RUFY3: variants seen among roughly 807,000 people sequenced by gnomAD.
RUFY3 encodes the protein protein RUFY3.
RUFY3 carries 34 observed loss-of-function variants against 84.0 expected under a neutral mutation model. The observed-to-expected ratio is 0.40, with a 90% CI of 0.31 to 0.54. RUFY3 has a LOEUF of 0.54. RUFY3 is among the 20% of genes least tolerant of loss of function. The pLI, the probability that RUFY3 is intolerant of heterozygous loss-of-function variation, is 0.39. For missense variants in RUFY3, 507 were observed against 736.8 expected (o/e 0.69, Z 3.61); for synonymous variants, 242 against 252.9 (o/e 0.96, Z 0.41).
At chr4:70,790,562 C>T (rs1730643258) in intron 12 of RUFY3, among the ~76,000 whole-genome samples, 1 of 152,208 alleles carries the variant, frequency 6.6e-6, no homozygotes, top group African/African-American at 2.4e-5. Context: ...TCTGATACCT[C>T]TTTGCAGCTA....
chr4:70,707,465 C>G (rs993631327), intron 1 of RUFY3, among the ~76,000 whole-genome samples: 2 of 152,122 alleles, frequency 1.3e-5, no homozygotes, highest in East Asian at 3.8e-4. Flanking sequence ...AGGCTGTTAT[C>G]GAACTCCTGA....
At chr4:70,753,260 A>G (rs559828612) in intron 1 of RUFY3, among the ~76,000 whole-genome samples, 2 of 152,272 alleles carry the variant, frequency 1.3e-5, no homozygotes, top group African/African-American at 4.8e-5. Context: ...TCCCGATTTT[A>G]GTAATTTGAA....
At chr4:70,788,671 A>G in intron 10 of RUFY3, 135 bp from the exon 11 acceptor site, 1 of 770,926 alleles carries the variant, frequency 1.3e-6, no homozygotes, top group Non-Finnish European at 2.0e-6. Flanking sequence ...GTCTCTGAAA[A>G]TGAATGGTAG....
Position 70,733,135 on chromosome 4 carries a change from A to AGG in RUFY3, c.178+10386_178+10387dup, listed in dbSNP as rs1210823784. The stretch of plus-strand genomic sequence containing the variant: ...GAGAGAGAGAGGGAGGGAGGGAGGG[A>AGG]GGGAGAGAGAGAGAGAGAGAGAGAG... On this transcript the variant is annotated intron_variant, in intron 1 of 17. Transcript: ENST00000381006. Among the ~76,000 whole-genome samples the AGG allele has an allele frequency of 3.6e-3, 300 of 82,752 alleles. 4 individuals are homozygous for AGG. Among genetic ancestry groups the AGG allele is most frequent in the Non-Finnish European group, 6.0e-3 (254 of 42,558 alleles). The allele number at this position is 82,752 out of a possible 152,430, so 54.3% of individuals were successfully genotyped here.
chr4:70,797,979 A>G (rs775855492), intron 14 of RUFY3, among the ~76,000 whole-genome samples: 1 of 152,196 alleles, frequency 6.6e-6, no homozygotes, highest in Non-Finnish European at 1.5e-5. Flanking sequence ...TATTTTTCCA[A>G]TGAGGTTTTA....
chr4:70,733,853 T>G (rs1719855067), intron 1 of RUFY3, among the ~76,000 whole-genome samples: 1 of 152,196 alleles, frequency 6.6e-6, no homozygotes, highest in African/African-American at 2.4e-5. Context: ...TTATATTTCT[T>G]TATATCTCCC....
chr4:70,762,817 G>A (rs1454060624), intron 2 of RUFY3, 125 bp downstream of exon 2: 1 of 811,276 alleles, frequency 1.2e-6, no homozygotes. Flanking sequence ...TAATCCATTG[G>A]AATGCAGTCT....
In RUFY3 at chr4:70,808,286, TC is replaced by T. The variant is rs1349825993; in HGVS notation, c.*1628del. On this transcript the variant is annotated 3_prime_UTR_variant, in exon 18 of 18. Coordinates refer to ENST00000381006, the MANE Select transcript of RUFY3 (RefSeq NM_001037442.4). ...AGGGCTGACTGTACTTACTTACATA[TC>T]TATCTATCTTTGAGTAACAAACTCT... Among the ~76,000 whole-genome samples the T allele has an allele frequency of 6.7e-6, 1 of 148,334 alleles. No individual in the cohort carries two copies. The highest frequency in any genetic ancestry group is 2.6e-5 in the African/African-American group (1 of 38,998).
intron 4 of RUFY3, among the ~76,000 whole-genome samples, chr4:70,765,167 G>A (rs924463492): frequency 5.9e-5 from 8 of 134,732 alleles, no homozygotes; most frequent in African/African-American, 1.9e-4. Flanking sequence ...CAGCCCGGGC[G>A]ACAGAGTGAG....
chr4:70,806,786 C>A lies in RUFY3; in HGVS notation c.*127C>A. The A allele has an allele frequency of 1.7e-6, 2 of 1,192,150 alleles. No homozygotes were observed. The highest frequency in any genetic ancestry group is 1.7e-5 in the South Asian group (1 of 59,400). 73.8% of individuals were successfully genotyped at this position (1,192,150 alleles called of 1,614,324 possible). On this transcript the variant is annotated 3_prime_UTR_variant, in exon 18 of 18. Transcript: ENST00000381006. Reference sequence around the variant, plus strand: ...AAGAGTTGATAGGAATTTACTAGGTCCAGGGAGAAAAGGCAGTGGTTGGGG... The same window carrying A: ...AAGAGTTGATAGGAATTTACTAGGTACAGGGAGAAAAGGCAGTGGTTGGGG...
At chr4:70,705,046 G>A (rs1419004330) in exon 1 of RUFY3, 8 of 1,249,084 alleles carry the variant, frequency 6.4e-6, no homozygotes, top group Middle Eastern at 3.1e-4. Flanking sequence ...CCCGCCGGGG[G>A]CACGGACCGA....
At chr4:70,744,844 A>C (rs1454026689) in intron 1 of RUFY3, among the ~76,000 whole-genome samples, 1 of 151,284 alleles carries the variant, frequency 6.6e-6, no homozygotes, top group East Asian at 2.0e-4. Context: ...TAGTAGAGAC[A>C]GGGTCTCACC....
At chr4:70,720,816 T>C (rs1438460350), upstream of RUFY3, among the ~76,000 whole-genome samples, 1 of 152,176 alleles carries the variant, frequency 6.6e-6, no homozygotes, top group African/African-American at 2.4e-5. Context: ...CTTTGTAATT[T>C]ATGTAGTTCA....
upstream of RUFY3, chr4:70,704,776 A>C (rs1323512127): frequency 1.6e-5 from 7 of 429,252 alleles, no homozygotes; most frequent in Non-Finnish European, 2.2e-5. Flanking sequence ...CTGTGGGCCG[A>C]GCGGCGGAGC....
At chr4:70,791,960 T>C (rs1730898016) in intron 12 of RUFY3, 2 of 983,376 alleles carry the variant, frequency 2.0e-6, no homozygotes, top group South Asian at 4.7e-5. Context: ...TTAAAATACA[T>C]AGAAATAAAG....
chr4:70,726,514 C>G (rs1177092276), intron 1 of RUFY3, among the ~76,000 whole-genome samples: 1 of 152,204 alleles, frequency 6.6e-6, no homozygotes, highest in Non-Finnish European at 1.5e-5. Context: ...GCTGGGATTA[C>G]AGGCATGCGC....
At chr4:70,805,479 A>C (rs1295841984) in intron 17 of RUFY3, among the ~76,000 whole-genome samples, 2 of 152,268 alleles carry the variant, frequency 1.3e-5, no homozygotes. Flanking sequence ...TATGAAACAC[A>C]TGCTTGGAAG....
At chr4:70,712,885 C>T (rs1741139830) in intron 1 of RUFY3, among the ~76,000 whole-genome samples, 1 of 152,144 alleles carries the variant, frequency 6.6e-6, no homozygotes, top group Non-Finnish European at 1.5e-5. Flanking sequence ...TCTACTCAAT[C>T]CTTACTAATT....
At chr4:70,761,051 C>CT (rs1724951561) in intron 1 of RUFY3, among the ~76,000 whole-genome samples, 1 of 152,134 alleles carries the variant, frequency 6.6e-6, no homozygotes, top group African/African-American at 2.4e-5. Flanking sequence ...TGCTAAGTGG[C>CT]TTATTTGTAT....
Sources: gnomAD v4.1 joint callset for allele counts (sites outside exome capture counted in the v4.1 genomes callset) on GRCh38, gnomAD v4.1.1 for gene constraint, MANE v1.5 for transcripts, NCBI Gene and HGNC (gene_info 2026-07-23, HGNC 2026-07-21) for gene names.